Variants in CNIH3 observed in about 807,000 individuals in gnomAD.
CNIH3 encodes the protein protein cornichon homolog 3.
In CNIH3, 14 loss-of-function variants were observed where a neutral mutation model predicts 24.1. The ratio of observed to expected loss-of-function variants is 0.58; its 90% CI spans 0.38 to 0.91. CNIH3 has a LOEUF of 0.91. Ranked by LOEUF, CNIH3 falls within the 40% of genes least tolerant of loss-of-function variation. The pLI, the probability that CNIH3 is intolerant of heterozygous loss-of-function variation, is 0.00. For synonymous variants in CNIH3, 68 were observed against 73.8 expected, an observed-to-expected ratio of 0.92 and a Z score of 0.40; for missense variants, 178 against 196.8, an observed-to-expected ratio of 0.90 and a Z score of 0.57.
chr1:224,616,201 T>C, upstream of CNIH3: 1 of 154,040 alleles, frequency 6.5e-6, no homozygotes, highest in Non-Finnish European at 1.4e-5. Flanking sequence ...CACCCACCTT[T>C]CCTCAGCCCC....
intron 1 of CNIH3, among the ~76,000 whole-genome samples, chr1:224,651,535 A>G (rs1684857732): frequency 6.6e-6 from 1 of 151,930 alleles, no homozygotes; most frequent in African/African-American, 2.4e-5. Flanking sequence ...TATATCCTTC[A>G]TTTGTTTCTT....
intron 4 of CNIH3, among the ~76,000 whole-genome samples, chr1:224,732,841 G>A (rs181366535): frequency 1.3e-5 from 2 of 152,302 alleles, no homozygotes; most frequent in African/African-American, 4.8e-5. Flanking sequence ...GAGGAAGGGA[G>A]GGGCTGCAAT....
intron 1 of CNIH3, among the ~76,000 whole-genome samples, chr1:224,654,469 T>C (rs944672284): frequency 1.3e-5 from 2 of 152,228 alleles, no homozygotes; most frequent in African/African-American, 4.8e-5. Context: ...GTTTGTTTAA[T>C]AAAGAAGATA....
intron 1 of CNIH3, among the ~76,000 whole-genome samples, chr1:224,677,581 C>T (rs1483999077): frequency 6.6e-6 from 1 of 152,234 alleles, no homozygotes; most frequent in African/African-American, 2.4e-5. Context: ...AGCCACACTT[C>T]AGGCCTCTTT....
chr1:224,548,516 G>A (rs898074176), intron 3 of CNIH3, among the ~76,000 whole-genome samples: 26 of 151,458 alleles, frequency 1.7e-4, no homozygotes, highest in Middle Eastern at 3.4e-3. Flanking sequence ...TCATAATATC[G>A]ATAAAAGATA....
chr1:224,677,744 C>T (rs531444171), intron 1 of CNIH3, among the ~76,000 whole-genome samples: 4 of 152,202 alleles, frequency 2.6e-5, no homozygotes, highest in Non-Finnish European at 5.9e-5. Context: ...GACCCACCTC[C>T]CTGCACTCAG....
At chr1:224,509,384 G>T (rs1355907087) in intron 1 of CNIH3, among the ~76,000 whole-genome samples, 1 of 152,102 alleles carries the variant, frequency 6.6e-6, no homozygotes, top group Non-Finnish European at 1.5e-5. Flanking sequence ...GAAAGCCTGG[G>T]TGGTGGTTTG....
chr1:224,454,221 G>GAGT, intron 1 of CNIH3: 1 of 831,780 alleles, frequency 1.2e-6, no homozygotes, highest in African/African-American at 1.9e-5. Flanking sequence ...CCAATATTGT[G>GAGT]AGTAGTATCA....
chr1:224,688,940 A>G (rs552061231), intron 3 of CNIH3, among the ~76,000 whole-genome samples: 2 of 152,218 alleles, frequency 1.3e-5, no homozygotes, highest in African/African-American at 4.8e-5. Flanking sequence ...AAAAAAAAAA[A>G]AAGATTTGTA....
chr1:224,509,814 A>C (rs1346859666), intron 1 of CNIH3, among the ~76,000 whole-genome samples: 1 of 152,186 alleles, frequency 6.6e-6, no homozygotes, highest in East Asian at 1.9e-4. Flanking sequence ...GGTGGTGTCC[A>C]GGCCTGAGGA....
intron 3 of CNIH3, among the ~76,000 whole-genome samples, chr1:224,694,450 C>T (rs77088962): frequency 0.042 from 6,316 of 152,188 alleles, 206 homozygotes; most frequent in East Asian, 0.13. Flanking sequence ...ATTAAACATA[C>T]GACTCCGCAA....
chr1:224,717,700 A>G (rs576409383), intron 3 of CNIH3: 3 of 152,352 alleles, frequency 2.0e-5, no homozygotes, highest in Non-Finnish European at 4.4e-5. Flanking sequence ...TGGGTGCTCA[A>G]AGCCTGGAGA....
At chr1:224,606,504 A>T (rs7529774) in intron 3 of CNIH3, among the ~76,000 whole-genome samples, 102,051 of 152,036 alleles carry the variant, frequency 0.67, 35,167 homozygotes, top group East Asian at 0.94. Flanking sequence ...ACGTTCAGTC[A>T]CTTCTCTTCT....
At chr1:224,577,011 A>G (rs1175137115) in intron 4 of CNIH3, among the ~76,000 whole-genome samples, 1 of 152,188 alleles carries the variant, frequency 6.6e-6, no homozygotes, top group Non-Finnish European at 1.5e-5. Context: ...GGCAAGCCAC[A>G]TGTAGAAGAA....
chr1:224,628,083 A>G (rs1683630773), intron 1 of CNIH3, among the ~76,000 whole-genome samples: 1 of 151,750 alleles, frequency 6.6e-6, no homozygotes, highest in Non-Finnish European at 1.5e-5. Flanking sequence ...TCTATTGTTT[A>G]ATAGTCTAGC....
intron 1 of CNIH3, 66 bp downstream of exon 1, chr1:224,617,321 C>T (rs1295423909): frequency 1.9e-6 from 3 of 1,556,240 alleles, no homozygotes; most frequent in Non-Finnish European, 2.6e-6. Context: ...GATTTCACCC[C>T]ACTTTTTCCA....
At chr1:224,505,023 TC>T (rs1558114723) in intron 1 of CNIH3, among the ~76,000 whole-genome samples, 5 of 35,624 alleles carry the variant, frequency 1.4e-4, no homozygotes, top group African/African-American at 3.6e-4. Flanking sequence ...CCTCCCTCCC[TC>T]CCTCCCTCCC....
At chr1:224,598,201 GA>G (rs1401925439) in intron 3 of CNIH3, among the ~76,000 whole-genome samples, 22 of 152,210 alleles carry the variant, frequency 1.4e-4, no homozygotes, top group African/African-American at 5.1e-4. Context: ...GGATGACTTT[GA>G]GGGGTTCAAG....
At chr1:224,677,661 T>C (rs1395926583) in intron 1 of CNIH3, among the ~76,000 whole-genome samples, 2 of 152,258 alleles carry the variant, frequency 1.3e-5, no homozygotes, top group Admixed American at 1.3e-4. Flanking sequence ...TCAGCCTGGC[T>C]GAACAGCCCC....
Sources: allele counts gnomAD v4.1 joint callset (sites outside exome capture counted in the v4.1 genomes callset), GRCh38; gene constraint gnomAD v4.1.1; transcripts MANE v1.5; gene names NCBI Gene and HGNC (gene_info 2026-07-23, HGNC 2026-07-21).